Variants in ZFR2 observed in about 807,000 individuals in gnomAD.
The protein encoded by ZFR2 is zinc finger RNA-binding protein 2.
ZFR2 carries 104 observed loss-of-function variants against 105.7 expected under a neutral mutation model. That is an observed-to-expected ratio of 0.98 (90% CI 0.84 to 1.16). The LOEUF is 1.16. ZFR2 is among the 50% of genes most tolerant of loss of function. The pLI is 0.00. For synonymous variants in ZFR2, 634 were observed against 597.7 expected (o/e 1.06, Z -0.89); for missense variants, 1,425 against 1,355.5 (o/e 1.05, Z -0.80).
chr19:3,821,220 C>T (rs1230029229), intron 10 of ZFR2, 120 bp downstream of exon 10: 4 of 1,341,688 alleles, frequency 3.0e-6, no homozygotes, highest in Non-Finnish European at 2.9e-6. Flanking sequence ...ACCCGTCTCC[C>T]CCCACTGCTC....
chr19:3,821,905 G>A (rs1441289326), intron 9 of ZFR2, among the ~76,000 whole-genome samples, 176 bp downstream of exon 9: 1 of 152,106 alleles, frequency 6.6e-6, no homozygotes, highest in Non-Finnish European at 1.5e-5. Flanking sequence ...CACCGCGCCC[G>A]GCCGAAGATA....
At chr19:3,863,253 A>C (rs1421062282) in intron 1 of ZFR2, among the ~76,000 whole-genome samples, 1 of 152,140 alleles carries the variant, frequency 6.6e-6, no homozygotes, top group African/African-American at 2.4e-5. Context: ...AGGTTCTGTC[A>C]CTGGCACTGG....
At position 3,819,154 on chromosome 19, in the gene ZFR2, G is replaced by C; in HGVS notation, c.1822C>G (p.Leu608Val). The change falls in exon 12 of 19, where the codon CTG becomes GTG. Residue 608 changes from leucine (L) to valine (V), a missense_variant. By Grantham distance (32) the Leu-to-Val change is conservative. Coordinates refer to ENST00000262961, the MANE Select transcript of ZFR2 (RefSeq NM_015174.2). ...ATIYPTEQEL[L>V]AVQRAVSHAE... ...TGGGACACGGCCCTCTGCACGGCCA[G>C]GAGCTCCTGCTCCGTGGGGTAGATG... 6.2e-7 allele frequency: 1 copy of C among 1,606,688 alleles called. No homozygotes were observed. The highest frequency in any genetic ancestry group is 8.5e-7 in the Non-Finnish European group (1 of 1,178,720).
chr19:3,827,639 A>G lies in ZFR2; in HGVS notation c.867T>C (p.His289=). The change falls in exon 6 of 19, where the codon CAT becomes CAC. Residue 289 remains histidine, a synonymous_variant. Transcript: ENST00000262961. ...TCTTTCTGTGCTTCTGCCCTCCCAG[A>G]TGTTCCCGGTAGGTCTGCGGCAAGG... ...SCAGPQTYRE[H]LGGQKHRKKE... is the part of the protein sequence containing the mutation. The G allele has an allele frequency of 3.2e-6, 5 of 1,581,134 alleles. No individual in the cohort carries two copies. The highest frequency in any genetic ancestry group is 2.3e-5 in the South Asian group (2 of 86,204).
chr19:3,839,390 C>T (rs2038111394), intron 1 of ZFR2, among the ~76,000 whole-genome samples: 1 of 151,536 alleles, frequency 6.6e-6, no homozygotes, highest in African/African-American at 2.4e-5. Context: ...AAAACTAGCC[C>T]AGTGTGGTGG....
rs370684651 is a variant in ZFR2 at position 3,834,946 on chromosome 19, C to G, written c.91G>C (p.Ala31Pro). 1 of 1,611,380 alleles carries G rather than the reference C, an allele frequency of 6.2e-7. No individual in the cohort carries two copies. The highest frequency in any genetic ancestry group is 8.5e-7 in the Non-Finnish European group (1 of 1,179,114). Residue 31 changes from alanine to proline, a missense_variant, in exon 2 of 19, where the codon GCC becomes CCC. Coordinates refer to ENST00000262961, the MANE Select transcript of ZFR2 (RefSeq NM_015174.2). The surrounding 1 kb of genome is among the most constrained non-coding windows in gnomAD (Gnocchi z 5.3). ...PPTLPLPTVGASYTAQPTPGM... is the reference protein window; with the variant it reads ...PPTLPLPTVGPSYTAQPTPGM... Reference sequence around the variant, plus strand: ...GGAGTGGGTTGTGCAGTATAGCTGGCCCCCACAGTGGGCAGGGGAAGGGTC... The same window carrying G: ...GGAGTGGGTTGTGCAGTATAGCTGGGCCCCACAGTGGGCAGGGGAAGGGTC...
chr19:3,808,010 T>A (rs925237245), intron 17 of ZFR2, among the ~76,000 whole-genome samples: 2 of 149,646 alleles, frequency 1.3e-5, no homozygotes, highest in African/African-American at 4.9e-5. Context: ...TACATCCATG[T>A]GTGCACCTGT....
rs928715215 is a variant in ZFR2, at chr19:3,813,753, T to G, written c.2242+67A>C. On this transcript the variant is annotated intron_variant, in intron 14 of 18. Transcript: ENST00000262961. This position sits in a 1 kb window ranked among gnomAD's most constrained non-coding sequence, Gnocchi z 4.4. The stretch of plus-strand genomic sequence containing the variant: ...GCAGAGGCGGACGCTGCCCCAGGCC[T>G]GGGTGTGGGGAGCGCCCTGGGGAAG... 6.3e-7 allele frequency: 1 copy of G among 1,590,308 alleles called. No homozygotes were observed. The highest frequency in any genetic ancestry group is 8.6e-7 in the Non-Finnish European group (1 of 1,166,038).
Position 3,848,778 on chromosome 19 carries a change from T to A in ZFR2, c.54-13795A>T, listed in dbSNP as rs568744262. ...AGGCTGAGGTGGGCGGATCACGAGG[T>A]CAGGAGATCGAGACCATCCTGGCTA... On this transcript the variant is annotated intron_variant, in intron 1 of 18. Transcript: ENST00000262961. 9.2e-5 allele frequency among the ~76,000 whole-genome samples: 14 copies of A among 151,588 alleles called. 1 individual carries two copies. The South Asian group carries it at 2.3e-3, about 25-fold the overall frequency.
intron 11 of ZFR2, among the ~76,000 whole-genome samples, chr19:3,819,666 C>T (rs2037867424): frequency 6.6e-6 from 1 of 152,024 alleles, no homozygotes; most frequent in Non-Finnish European, 1.5e-5. Context: ...CCAGCCTGGC[C>T]AACATGGTGA....
chr19:3,850,727 AAC>A (rs2038229040), intron 1 of ZFR2, among the ~76,000 whole-genome samples: 2 of 7,112 alleles, frequency 2.8e-4, no homozygotes, highest in African/African-American at 1.7e-3. Context: ...ACAGAAAAAC[AAC>A]AACAACAACA....
Position 3,864,032 on chromosome 19 carries a change from C to T in ZFR2, c.53+4933G>A, listed in dbSNP as rs180845108. Among the ~76,000 whole-genome samples the T allele has an allele frequency of 1.5e-3, 235 of 152,248 alleles. 1 individual carries two copies. Among genetic ancestry groups the T allele is most frequent in the African/African-American group, 5.3e-3 (220 of 41,524 alleles). ...TAACAGAGTGTGATGGCGTTCCAAC[C>T]CCGCCTCCCACTTCCTGAAACTCTC... On this transcript the variant is annotated intron_variant, in intron 1 of 18. Transcript: ENST00000262961.
At position 3,806,052 on chromosome 19, in the gene ZFR2, C is replaced by T. The variant is rs751361098; in HGVS notation, c.2717G>A (p.Arg906Gln). The change falls in exon 19 of 19, where the codon CGG (arginine) becomes CAG (glutamine). Residue 906 changes from arginine to glutamine, a missense_variant. Physicochemically the swap from Arg to Gln is conservative, Grantham distance 43. Coordinates refer to ENST00000262961, the MANE Select transcript of ZFR2 (RefSeq NM_015174.2). ...LGMDLLPPRH[R>Q]LGARFRKRQR... ...CCTCTTCCGGAAGCGGGCCCCCAGCCGGTGTCTGGGCGGCAGGAGATCCAT... is the reference window on the plus strand; with the variant it reads ...CCTCTTCCGGAAGCGGGCCCCCAGCTGGTGTCTGGGCGGCAGGAGATCCAT... 21 of 1,536,104 alleles carry T rather than the reference C, an allele frequency of 1.4e-5. No homozygotes were observed. The highest frequency in any genetic ancestry group is 8.3e-5 in the African/African-American group (6 of 72,184).
In ZFR2 at chr19:3,825,324, C is replaced by A. The variant is rs1280586209; in HGVS notation, c.1119G>T (p.Glu373Asp). Residue 373 changes from glutamate (E) to aspartate (D), a missense_variant, in exon 7 of 19, where the codon GAG (glutamate) becomes GAT (aspartate). By Grantham distance (45) the Glu-to-Asp change is conservative. Transcript: ENST00000262961. ...GGCCAGTGGGGGACGTGGGCTTGGC[C>A]TCTGCCCCGGGGGGGCTCTCTGTGG... ...ALATESPPGAEAKPTSPTGPS... is the reference protein window; with the variant it reads ...ALATESPPGADAKPTSPTGPS... 5 of 1,585,918 alleles carry A rather than the reference C, an allele frequency of 3.2e-6. No homozygotes were observed. The highest frequency in any genetic ancestry group is 4.3e-6 in the Non-Finnish European group (5 of 1,170,332).
intron 16 of ZFR2, among the ~76,000 whole-genome samples, chr19:3,809,650 A>G (rs1266077297): frequency 1.3e-5 from 2 of 152,152 alleles, no homozygotes; most frequent in Non-Finnish European, 2.9e-5. Context: ...CCCCTAAACA[A>G]TGAGTGTGAA....
At chr19:3,808,126 C>T (rs1452165243) in intron 17 of ZFR2, among the ~76,000 whole-genome samples, 1 of 138,728 alleles carries the variant, frequency 7.2e-6, no homozygotes, top group Admixed American at 7.3e-5. Context: ...CATATGTGTG[C>T]CCGTGCGTAT....
At chr19:3,860,535 G>A (rs928062760) in intron 1 of ZFR2, among the ~76,000 whole-genome samples, 14 of 152,162 alleles carry the variant, frequency 9.2e-5, no homozygotes, top group Non-Finnish European at 1.9e-4. Context: ...CAGGTTATGC[G>A]GCAGTGGGAC....
intron 1 of ZFR2, chr19:3,855,576 G>A: frequency 1.6e-6 from 1 of 606,266 alleles, no homozygotes; most frequent in Non-Finnish European, 2.4e-6. Flanking sequence ...GATAGTCCAG[G>A]GAGACACGGG....
At chr19:3,842,157 C>T (rs1182519592) in intron 1 of ZFR2, among the ~76,000 whole-genome samples, 2 of 151,872 alleles carry the variant, frequency 1.3e-5, no homozygotes, top group African/African-American at 2.4e-5. Flanking sequence ...GGACTACAGG[C>T]GTGCACCACC....
Sources: gnomAD v4.1 joint callset for allele counts (sites outside exome capture counted in the v4.1 genomes callset) on GRCh38, gnomAD v4.1.1 for gene constraint, Gnocchi (gnomAD v3.1) non-coding constraint, MANE v1.5 for transcripts, NCBI Gene and HGNC (gene_info 2026-07-23, HGNC 2026-07-21) for gene names.